DDHD2: variants seen among roughly 807,000 people sequenced by gnomAD.
DDHD2 encodes DDHD domain containing 2.
A neutral mutation model predicts 91.2 loss-of-function variants in DDHD2; 62 were observed. That is an observed-to-expected ratio of 0.68 (90% confidence interval 0.55 to 0.84). The LOEUF is 0.84. DDHD2 is among the 40% of genes least tolerant of loss of function. DDHD2 has a pLI of 0.00. For missense variants in DDHD2, 740 were observed against 846.9 expected (o/e 0.87, Z 1.57); for synonymous variants, 271 against 293.9 (o/e 0.92, Z 0.80).
At position 38,252,021 on chromosome 8, in the gene DDHD2, T is replaced by C; in HGVS notation, c.1454T>C (p.Ile485Thr). The change falls in exon 12 of 18, where the codon ATT (isoleucine) becomes ACT (threonine). Residue 485 changes from isoleucine to threonine, a missense_variant. This residue lies in a region of DDHD2 where 693 missense variants were observed against 764.2 expected (regional missense o/e 0.91). Transcript: ENST00000397166. ...AATGGTGACTATCTGGATGTTGGCA[T>C]TGGGCAGGTAACTAATTCTCTTTGA... Reference protein sequence around the residue: ...TRNGDYLDVGIGQVSVKYPRL... With the variant: ...TRNGDYLDVGTGQVSVKYPRL... 1.2e-6 allele frequency: 2 copies of C among 1,613,402 alleles called. No homozygotes were observed. Among genetic ancestry groups the C allele is most frequent in the South Asian group, 2.2e-5 (2 of 91,058 alleles).
Position 38,238,112 on chromosome 8 carries a change from T to C in DDHD2, c.525T>C (p.Val175=). 1 of 1,611,540 alleles carries C rather than the reference T, an allele frequency of 6.2e-7. No homozygotes were observed. Among genetic ancestry groups the C allele is most frequent in the South Asian group, 1.1e-5 (1 of 90,408 alleles). The part of the protein sequence containing the change: ...NPKLMVHYQP[V]AGSDDWGSTP... ...AGCTTATGGTGCATTACCAGCCAGT[T>C]GCAGGGTCTGATGATTGGGGTTCAA... Residue 175 remains valine, a synonymous_variant, in exon 5 of 18, where the codon GTT becomes GTC. Transcript: ENST00000397166.
chr8:38,240,786 C>T (rs916080720), intron 6 of DDHD2, among the ~76,000 whole-genome samples: 1 of 152,046 alleles, frequency 6.6e-6, no homozygotes, highest in Non-Finnish European at 1.5e-5. Flanking sequence ...GAAAGGTGTC[C>T]TCTAGGCTGG....
At position 38,269,167 on chromosome 8, in the gene DDHD2, C is replaced by G. The variant is rs1056836211; in HGVS notation, n.88-1955C>G. On this transcript the variant is annotated intron_variant and non_coding_transcript_variant, in intron 1 of 1. Coordinates refer to the DDHD2 transcript ENST00000526071. ...GCGCGAGCCGCACGCCCACTTCGGC[C>G]CCAAAGGCCACCGCCGCCGCCGCCT... The G allele has an allele frequency of 3.3e-6, 5 of 1,509,794 alleles. No homozygotes were observed. The South Asian group carries it at 4.9e-5, about 15-fold the overall frequency. 93.5% of individuals were successfully genotyped at this position (1,509,794 alleles called of 1,614,324 possible). A position where few individuals can be genotyped will look rare whatever the true frequency, so the allele number is the denominator to read the frequency against.
At chr8:38,267,531 A>G (rs1807833675), downstream of DDHD2, 2 of 975,704 alleles carry the variant, frequency 2.0e-6, no homozygotes, top group Non-Finnish European at 3.0e-6. Flanking sequence ...TAGTATAGTC[A>G]CCACACTAAG....
intron 1 of DDHD2, 54 bp from the exon 2 acceptor site, chr8:38,232,933 G>A (rs949609657): frequency 7.8e-7 from 1 of 1,289,304 alleles, no homozygotes; most frequent in African/African-American, 1.5e-5. Flanking sequence ...GTGTGTGTGT[G>A]CGAACAGTTA....
chr8:38,242,918 TG>T (rs1265921938), intron 7 of DDHD2, among the ~76,000 whole-genome samples: 3 of 152,204 alleles, frequency 2.0e-5, no homozygotes, highest in Non-Finnish European at 4.4e-5. Context: ...CAGAGAATGT[TG>T]CTTAAATTGA....
In DDHD2 at chr8:38,269,162, T is replaced by C. The variant is rs761734170; in HGVS notation, n.88-1960T>C. 1.4e-5 allele frequency: 21 copies of C among 1,512,460 alleles called. No individual in the cohort carries two copies. In the South Asian group the frequency reaches 2.4e-4, roughly 18 times the overall value. The allele number at this position is 1,512,460 out of a possible 1,614,324, so 93.7% of individuals were successfully genotyped here. Reference sequence around the variant, plus strand: ...GAACAGCGCGAGCCGCACGCCCACTTCGGCCCCAAAGGCCACCGCCGCCGC... The same window carrying C: ...GAACAGCGCGAGCCGCACGCCCACTCCGGCCCCAAAGGCCACCGCCGCCGC... On this transcript the variant is annotated intron_variant and non_coding_transcript_variant, in intron 1 of 1. Coordinates refer to the DDHD2 transcript ENST00000526071.
chr8:38,268,660 A>G lies in DDHD2; in HGVS notation n.88-2462A>G, dbSNP rs1165214950. On this transcript the variant is annotated intron_variant and non_coding_transcript_variant, in intron 1 of 1. Transcript: ENST00000526071. ...GGGCCCCGGTACCTCAGGCTGAGGCACAGAGCGCCCGGGAAAACGTTGTCT... is the reference window on the plus strand; with the variant it reads ...GGGCCCCGGTACCTCAGGCTGAGGCGCAGAGCGCCCGGGAAAACGTTGTCT... 7.0e-6 allele frequency: 10 copies of G among 1,433,244 alleles called. No homozygotes were observed. The East Asian group carries it at 2.3e-4, about 32-fold the overall frequency. 88.8% of individuals were successfully genotyped at this position (1,433,244 alleles called of 1,614,324 possible). A position where few individuals can be genotyped will look rare whatever the true frequency, so the allele number is the denominator to read the frequency against.
At chr8:38,269,188 C>G in intron 1 of DDHD2, 1 of 1,502,284 alleles carries the variant, frequency 6.7e-7, no homozygotes, top group South Asian at 1.2e-5. Flanking sequence ...CCGCCGCCGC[C>G]GCCTTCCCCA....
chr8:38,268,378 G>C, intron 1 of DDHD2: 1 of 1,567,322 alleles, frequency 6.4e-7, no homozygotes, highest in Non-Finnish European at 8.7e-7. Flanking sequence ...CACCCAGGCA[G>C]GCTTGTCTGC....
exon 2 of DDHD2, chr8:38,271,291 C>T (rs1808467533): frequency 6.6e-6 from 1 of 151,980 alleles, no homozygotes; most frequent in Non-Finnish European, 1.5e-5. Flanking sequence ...TAAAAAGAAA[C>T]TAAAATAAGG....
intron 16 of DDHD2, among the ~76,000 whole-genome samples, chr8:38,254,273 G>C (rs775260301): frequency 8.6e-5 from 13 of 152,038 alleles, no homozygotes; most frequent in Non-Finnish European, 1.6e-4. Context: ...GTGTCTTTTG[G>C]CCATTTAGGT....
At chr8:38,236,770 T>C (rs1236781758) in intron 3 of DDHD2, among the ~76,000 whole-genome samples, 1 of 152,076 alleles carries the variant, frequency 6.6e-6, no homozygotes, top group Non-Finnish European at 1.5e-5. Context: ...TCCACCCGCC[T>C]TGGCCTTCCA....
chr8:38,272,695 TTTAAG>T (rs1195476482), downstream of DDHD2: 7 of 152,272 alleles, frequency 4.6e-5, no homozygotes, highest in Admixed American at 2.6e-4. Context: ...CCCATGCTGC[TTTAAG>T]TTATTTCATT....
intron 7 of DDHD2, among the ~76,000 whole-genome samples, chr8:38,245,186 C>G (rs1440998329): frequency 1.3e-5 from 2 of 151,706 alleles, no homozygotes; most frequent in East Asian, 3.9e-4. Context: ...AATCCCAGCA[C>G]TTTGGGAGGC....
chr8:38,242,530 G>A, intron 7 of DDHD2, 145 bp downstream of exon 7: 1 of 848,074 alleles, frequency 1.2e-6, no homozygotes, highest in East Asian at 2.8e-5. Context: ...CAGTCCCTTG[G>A]TTTAATTAGC....
intron 16 of DDHD2, among the ~76,000 whole-genome samples, chr8:38,257,056 G>A (rs185604307): frequency 3.1e-4 from 47 of 151,550 alleles, no homozygotes; most frequent in Middle Eastern, 6.9e-3. Context: ...TGAGCAGCTG[G>A]GAGTAGCTAG....
rs372428685 is a variant in DDHD2, at chr8:38,245,916, C to T, written c.1023C>T (p.Phe341=). The T allele has an allele frequency of 1.8e-5, 29 of 1,613,820 alleles. 1 individual carries two copies. The Middle Eastern group carries it at 4.9e-4, about 27-fold the overall frequency. Residue 341 remains phenylalanine (F), a synonymous_variant, in exon 8 of 18, where the codon TTC becomes TTT. Coordinates refer to ENST00000397166, the MANE Select transcript of DDHD2 (RefSeq NM_015214.3). The part of the protein sequence containing the change: ...YTLFLQRNPD[F]KGGVSIAGHS... ...TTTTTCTACAGAGGAACCCTGATTT[C>T]AAAGGGGGTGTATCCATTGCTGGTC... is the stretch of plus-strand genomic sequence containing the variant.
At chr8:38,232,559 A>T (rs1159148730) in intron 1 of DDHD2, among the ~76,000 whole-genome samples, 2 of 152,278 alleles carry the variant, frequency 1.3e-5, no homozygotes, top group Non-Finnish European at 2.9e-5. Flanking sequence ...GTGTAATGGT[A>T]GGGGCCTGGA....
Sources: allele counts gnomAD v4.1 joint callset (sites outside exome capture counted in the v4.1 genomes callset), GRCh38; gene constraint gnomAD v4.1.1; regional missense constraint gnomAD v4.1.1; transcripts MANE v1.5; gene names NCBI Gene and HGNC (gene_info 2026-07-23, HGNC 2026-07-21).